Variants in EPC1 observed in about 807,000 individuals in gnomAD.
The protein encoded by EPC1 is enhancer of polycomb 1, also known as enhancer of polycomb homolog 1.
Under a neutral mutation model 98.4 loss-of-function variants are expected in EPC1, and 12 were observed. The ratio of observed to expected loss-of-function variants is 0.12; its 90% confidence interval spans 0.08 to 0.20. The LOEUF (loss-of-function observed/expected upper bound fraction) is 0.20. Among genes scored for constraint, EPC1 ranks in the 10% least tolerant of loss-of-function variants. EPC1 has a pLI of 1.00. For synonymous variants in EPC1, 357 were observed against 363.9 expected, an observed-to-expected ratio of 0.98 and a Z score of 0.21; for missense variants, 729 against 990.5, an observed-to-expected ratio of 0.74 and a Z score of 3.54.
chr10:32,271,612 C>G lies in EPC1; in HGVS notation c.2311G>C (p.Ala771Pro). Residue 771 changes from alanine to proline, a missense_variant, in exon 13 of 14, where the codon GCA (alanine) becomes CCA (proline). By Grantham distance (27) the Ala-to-Pro change is conservative. Around this residue, in one of 6 missense-constraint regions of EPC1, gnomAD observed 156 missense variants for 188.9 expected, o/e 0.83. Transcript: ENST00000319778. ...ACCTTGGAAACTTGACAGTTTGCTG[C>G]AGCGGCCAGCTTTAAGGCAGATGAT... ...VPSSALKLAA[A>P]ANCQVSKVPS... The G allele has an allele frequency of 6.2e-7, 1 of 1,614,138 alleles. No homozygotes were observed. The highest frequency in any genetic ancestry group is 8.5e-7 in the Non-Finnish European group (1 of 1,180,024).
chr10:32,274,653 T>C (rs375954415), intron 10 of EPC1, among the ~76,000 whole-genome samples: 5 of 152,298 alleles, frequency 3.3e-5, no homozygotes, highest in African/African-American at 1.2e-4. Context: ...ATCTGTTTAG[T>C]TGATATCTTC....
Position 32,271,882 on chromosome 10 carries a change from GTGTAGT to G in EPC1, c.2035_2040del (p.Thr679_Thr680del), listed in dbSNP as rs765334182. On this transcript the variant is annotated inframe_deletion, in exon 13 of 14. Coordinates refer to ENST00000319778, the MANE Select transcript of EPC1 (RefSeq NM_001272004.3). ...GGACTTGTATGTACAAGTGCTGTTGGTGTAGTACTACTGAGGTGTAAGCCCTTGTAT... is the reference window on the plus strand; with the variant it reads ...GGACTTGTATGTACAAGTGCTGTTGGACTACTGAGGTGTAAGCCCTTGTAT... The G allele has an allele frequency of 2.9e-5, 47 of 1,613,958 alleles. No homozygotes were observed. The highest frequency in any genetic ancestry group is 3.4e-6 in the Non-Finnish European group (4 of 1,179,988).
chr10:32,361,771 T>C (rs1174762042), intron 1 of EPC1, among the ~76,000 whole-genome samples: 1 of 152,140 alleles, frequency 6.6e-6, no homozygotes. Flanking sequence ...CCATCTTGAA[T>C]AGGGGCTGGG....
chr10:32,271,491 G>T (rs1835840657), intron 13 of EPC1, 63 bp downstream of exon 13: 2 of 1,519,386 alleles, frequency 1.3e-6, no homozygotes, highest in African/African-American at 2.8e-5. Flanking sequence ...GGTAAAGAAC[G>T]ATGCTGGAGG....
chr10:32,301,106 CTACG>C (rs1357439650), intron 2 of EPC1, among the ~76,000 whole-genome samples: 1 of 152,068 alleles, frequency 6.6e-6, no homozygotes, highest in Middle Eastern at 3.4e-3. Flanking sequence ...GCCTACCTAC[CTACG>C]TACCTACATG....
chr10:32,348,761 G>C (rs969997344), upstream of EPC1, among the ~76,000 whole-genome samples: 1 of 152,184 alleles, frequency 6.6e-6, no homozygotes, highest in Non-Finnish European at 1.5e-5. Context: ...AGCTTACACA[G>C]TGGGGAGAAG....
In EPC1 at chr10:32,271,688, A is replaced by G. The variant is rs1423130043; in HGVS notation, c.2235T>C (p.Ser745=). 3 of 1,614,102 alleles carry G rather than the reference A, an allele frequency of 1.9e-6. No homozygotes were observed. Among genetic ancestry groups the G allele is most frequent in the Non-Finnish European group, 2.5e-6 (3 of 1,180,056 alleles). The change falls in exon 13 of 14, where the codon TCT becomes TCC. Residue 745 remains serine, a synonymous_variant. Transcript: ENST00000319778. ...TATGTCGTGCATTTATTGGGGCAAT[A>G]GAGTTTACAGTGGCAACTGATGAAG... ...TVPSSVATVN[S]IAPINARHIP...
chr10:32,278,084 T>C (rs1468711341), intron 10 of EPC1, among the ~76,000 whole-genome samples: 1 of 152,098 alleles, frequency 6.6e-6, no homozygotes, highest in Non-Finnish European at 1.5e-5. Context: ...TACCAAAATG[T>C]ACACTTTTTT....
At position 32,291,199 on chromosome 10, in the gene EPC1, C is replaced by G; in HGVS notation, c.939G>C (p.Gln313His). ...TGAACTCCTTCACATCCATTGCTTC[C>G]TGGTGTTTAAATTGACTGCTATTAG... ...PITNSSQFKH[Q>H]EAMDVKEFKV... Residue 313 changes from glutamine (Q) to histidine (H), a missense_variant, in exon 6 of 14, where the codon CAG becomes CAC. By Grantham distance (24) the Gln-to-His change is conservative (BLOSUM62 0). Coordinates refer to ENST00000319778, the MANE Select transcript of EPC1 (RefSeq NM_001272004.3). The G allele has an allele frequency of 6.2e-7, 1 of 1,613,858 alleles. No individual in the cohort carries two copies. The highest frequency in any genetic ancestry group is 1.3e-5 in the African/African-American group (1 of 74,994).
intron 1 of EPC1, among the ~76,000 whole-genome samples, chr10:32,375,532 A>C (rs1412270016): frequency 1.3e-5 from 2 of 152,042 alleles, no homozygotes; most frequent in Admixed American, 1.3e-4. Flanking sequence ...CTTAATTTCA[A>C]GTTCATTTTT....
chr10:32,365,269 G>A (rs1277699615), intron 1 of EPC1, among the ~76,000 whole-genome samples: 1 of 152,058 alleles, frequency 6.6e-6, no homozygotes, highest in African/African-American at 2.4e-5. Context: ...TAGATAACAA[G>A]GACTCAGAAT....
In EPC1 at chr10:32,292,545, T is replaced by G. The variant is rs149651991; in HGVS notation, c.766A>C (p.Lys256Gln). The G allele has an allele frequency of 1.2e-5, 19 of 1,604,926 alleles. No individual in the cohort carries two copies. Among genetic ancestry groups the G allele is most frequent in the Non-Finnish European group, 1.5e-5 (18 of 1,176,828 alleles). ...TILEMIKRREKSKRELLHLTL... is the reference protein window; with the variant it reads ...TILEMIKRREQSKRELLHLTL... The stretch of plus-strand genomic sequence containing the variant: ...AAGTGCAATAGCTCTCTTTTACTTT[T>G]TTCTCTTCTTTTTATCATCTCTAGA... Residue 256 changes from lysine (K) to glutamine (Q), a missense_variant, in exon 5 of 14, where the codon AAA (lysine) becomes CAA (glutamine). Coordinates refer to ENST00000319778, the MANE Select transcript of EPC1 (RefSeq NM_001272004.3).
chr10:32,344,460 G>T (rs1016356129), intron 1 of EPC1, among the ~76,000 whole-genome samples: 1 of 152,096 alleles, frequency 6.6e-6, no homozygotes, highest in African/African-American at 2.4e-5. Context: ...GACTCCACAT[G>T]TTACAAACTA....
intron 11 of EPC1, among the ~76,000 whole-genome samples, chr10:32,272,602 C>T (rs923640033): frequency 2.6e-5 from 4 of 152,130 alleles, no homozygotes; most frequent in African/African-American, 9.7e-5. Context: ...TGAAAGGCAC[C>T]TTTGGGATAA....
upstream of EPC1, among the ~76,000 whole-genome samples, chr10:32,350,121 G>A (rs11008898): frequency 0.025 from 3,872 of 152,218 alleles, 165 homozygotes; most frequent in African/African-American, 0.089. Flanking sequence ...TGAAATTCTC[G>A]ATGTTGCAAA....
chr10:32,312,863 G>A (rs931288382), intron 1 of EPC1, among the ~76,000 whole-genome samples: 4 of 152,124 alleles, frequency 2.6e-5, no homozygotes, highest in African/African-American at 9.7e-5. Context: ...ATGCAAAATG[G>A]TAAAGACAAG....
intron 2 of EPC1, among the ~76,000 whole-genome samples, chr10:32,297,872 A>G (rs1028615919): frequency 6.6e-6 from 1 of 152,032 alleles, no homozygotes; most frequent in Admixed American, 6.6e-5. Flanking sequence ...ATCTCGGCTC[A>G]CTGCAAGCTC....
At chr10:32,354,166 G>T (rs1839203643) in intron 1 of EPC1, among the ~76,000 whole-genome samples, 1 of 152,068 alleles carries the variant, frequency 6.6e-6, no homozygotes, top group Non-Finnish European at 1.5e-5. Context: ...TACCTTAAGA[G>T]AATAAAGGGC....
At chr10:32,334,528 A>G (rs1837839857) in intron 1 of EPC1, among the ~76,000 whole-genome samples, 1 of 152,154 alleles carries the variant, frequency 6.6e-6, no homozygotes, top group Non-Finnish European at 1.5e-5. Flanking sequence ...TGGTGATGTC[A>G]ATGAAGTGAC....
Sources: gnomAD v4.1 joint callset for allele counts (sites outside exome capture counted in the v4.1 genomes callset) on GRCh38, gnomAD v4.1.1 for gene constraint, gnomAD v4.1.1 regional missense constraint, MANE v1.5 for transcripts, NCBI Gene and HGNC (gene_info 2026-07-23, HGNC 2026-07-21) for gene names.